UBE3D: variants seen among roughly 807,000 people sequenced by gnomAD.
UBE3D encodes the protein ubiquitin protein ligase E3D.
UBE3D carries 48 observed loss-of-function variants against 49.6 expected under a neutral mutation model. The ratio of observed to expected loss-of-function variants is 0.97; its 90% CI spans 0.77 to 1.23. The LOEUF is 1.23. UBE3D is among the 50% of genes most tolerant of loss of function. The pLI, the probability that UBE3D is intolerant of heterozygous loss-of-function variation, is 0.00. For missense variants in UBE3D, 452 were observed against 468.4 expected (o/e 0.96, Z 0.32); for synonymous variants, 189 against 174.2 (o/e 1.08, Z -0.67).
In UBE3D at chr6:83,063,361, C is replaced by G. The variant is rs143466243; in HGVS notation, c.77+2281G>C. Reference sequence around the variant, plus strand: ...CCCAGGAGGTTGAGGCTGCAGTGAGCCATGATCACACCACTGCACTGTAGC... The same window carrying G: ...CCCAGGAGGTTGAGGCTGCAGTGAGGCATGATCACACCACTGCACTGTAGC... On this transcript the variant is annotated intron_variant, in intron 1 of 9. Coordinates refer to ENST00000369747, the MANE Select transcript of UBE3D (RefSeq NM_198920.3). 566 of 156,174 alleles carry G rather than the reference C, an allele frequency of 3.6e-3. 2 individuals are homozygous for G. The highest frequency in any genetic ancestry group is 0.014 in the African/African-American group (542 of 39,290). The allele number at this position is 156,174 out of a possible 1,614,324, so 9.7% of individuals were successfully genotyped here. A position where few individuals can be genotyped will look rare whatever the true frequency, so the allele number is the denominator to read the frequency against.
chr6:83,049,041 C>A (rs982227646), intron 3 of UBE3D, among the ~76,000 whole-genome samples: 1 of 151,848 alleles, frequency 6.6e-6, no homozygotes, highest in African/African-American at 2.4e-5. Context: ...TTTAATGTAC[C>A]ATGAGCATAA....
chr6:82,899,295 T>C (rs1771559760), intron 9 of UBE3D, among the ~76,000 whole-genome samples: 1 of 152,168 alleles, frequency 6.6e-6, no homozygotes, highest in African/African-American at 2.4e-5. Flanking sequence ...GCAACAATTA[T>C]GTGTGTAAGG....
intron 8 of UBE3D, chr6:83,017,335 G>A (rs1780764228): frequency 6.6e-6 from 1 of 151,912 alleles, no homozygotes; most frequent in Non-Finnish European, 1.5e-5. Context: ...AAACAGAAAA[G>A]ATGAATATAA....
At chr6:83,004,481 G>A (rs887951682) in intron 8 of UBE3D, among the ~76,000 whole-genome samples, 10 of 152,234 alleles carry the variant, frequency 6.6e-5, no homozygotes, top group African/African-American at 2.2e-4. Context: ...ATTCATTTCT[G>A]AAGTTTAAGT....
chr6:82,922,131 A>ATT (rs34995241), intron 9 of UBE3D, among the ~76,000 whole-genome samples: 6 of 151,764 alleles, frequency 4.0e-5, no homozygotes, highest in Non-Finnish European at 7.4e-5. Context: ...ATTCTGAACA[A>ATT]TTTTTTTGGA....
intron 9 of UBE3D, among the ~76,000 whole-genome samples, chr6:82,942,677 TTGGCCC>T (rs1180397108): frequency 6.6e-6 from 1 of 152,250 alleles, no homozygotes; most frequent in Non-Finnish European, 1.5e-5. Flanking sequence ...ACATGTGGTA[TTGGCCC>T]TGTGAGTGCA....
At chr6:82,925,847 A>G (rs2127739804) in intron 9 of UBE3D, among the ~76,000 whole-genome samples, 1 of 152,254 alleles carries the variant, frequency 6.6e-6, no homozygotes, top group African/African-American at 2.4e-5. Flanking sequence ...AATAAATAAT[A>G]TTCCATTCCT....
At chr6:82,943,628 C>T (rs1775182255) in intron 9 of UBE3D, among the ~76,000 whole-genome samples, 1 of 151,936 alleles carries the variant, frequency 6.6e-6, no homozygotes, top group South Asian at 2.1e-4. Context: ...AGAGCGAGAC[C>T]CTGTCTCAAA....
chr6:83,055,252 A>T (rs1380158313), intron 2 of UBE3D, among the ~76,000 whole-genome samples: 1 of 152,224 alleles, frequency 6.6e-6, no homozygotes, highest in Non-Finnish European at 1.5e-5. Context: ...TAAAAGAATG[A>T]ACTAAAATAT....
chr6:82,963,946 C>T (rs1168426520), intron 8 of UBE3D, among the ~76,000 whole-genome samples: 1 of 152,126 alleles, frequency 6.6e-6, no homozygotes. Context: ...TAATCATCCA[C>T]TATAAGTCAA....
intron 8 of UBE3D, among the ~76,000 whole-genome samples, chr6:83,016,290 T>A (rs1467561659): frequency 6.6e-6 from 1 of 152,196 alleles, no homozygotes; most frequent in East Asian, 1.9e-4. Flanking sequence ...TGTTCCTTAA[T>A]ACAGCCAAAG....
At chr6:83,032,275 C>T (rs759986737) in intron 5 of UBE3D, 1 of 455,338 alleles carries the variant, frequency 2.2e-6, no homozygotes, top group South Asian at 1.6e-5. Context: ...CTGTTCAAGG[C>T]CATGGGAGCC....
chr6:82,900,976 G>A (rs1771687850), intron 9 of UBE3D, among the ~76,000 whole-genome samples: 1 of 152,078 alleles, frequency 6.6e-6, no homozygotes, highest in African/African-American at 2.4e-5. Flanking sequence ...TATAATTCCT[G>A]TTTAAATACG....
chr6:82,957,358 C>T lies in UBE3D; in HGVS notation c.1103G>A (p.Ser368Asn), dbSNP rs902833122. Reference sequence around the variant, plus strand: ...AAGGGATGAAGGCAGATTGGCATTACTCTTTGACAATATCAACAGCAGCTC... The same window carrying T: ...AAGGGATGAAGGCAGATTGGCATTATTCTTTGACAATATCAACAGCAGCTC... ...CLELLLILSK[S>N]NANLPSSLRR... The change falls in exon 9 of 10, where the codon AGT becomes AAT. Residue 368 changes from serine to asparagine, a missense_variant. By Grantham distance (46) the Ser-to-Asn change is conservative. Coordinates refer to ENST00000369747, the MANE Select transcript of UBE3D (RefSeq NM_198920.3). 6 of 1,613,980 alleles carry T rather than the reference C, an allele frequency of 3.7e-6. No homozygotes were observed. Among genetic ancestry groups the T allele is most frequent in the Admixed American group, 1.7e-5 (1 of 59,980 alleles).
intron 5 of UBE3D, among the ~76,000 whole-genome samples, chr6:83,026,833 A>G (rs1229937876): frequency 2.0e-5 from 3 of 152,072 alleles, no homozygotes; most frequent in Non-Finnish European, 4.4e-5. Flanking sequence ...CTAGCACTAC[A>G]GGCATGCACC....
chr6:83,063,435 A>AAAAAAAAAAAAAT (rs1784304153), intron 1 of UBE3D, among the ~76,000 whole-genome samples: 1 of 150,722 alleles, frequency 6.6e-6, no homozygotes, highest in Admixed American at 6.6e-5. Flanking sequence ...AAAAAAAAAA[A>AAAAAAAAAAAAAT]AAGAAAAGAA....
rs1025113750 is a variant in UBE3D at position 82,892,922 on chromosome 6, C to G, written c.*100G>C. On this transcript the variant is annotated 3_prime_UTR_variant, in exon 10 of 10. Transcript: ENST00000369747. ...ATGCTCTTATCCCATAGCTCTGGTT[C>G]TTGTCTTTGTAATTGATGCCTCCTG... 1 of 1,372,614 alleles carries G rather than the reference C, an allele frequency of 7.3e-7. No homozygotes were observed. The highest frequency in any genetic ancestry group is 1.7e-5 in the Admixed American group (1 of 59,630). 85.0% of individuals were successfully genotyped at this position (1,372,614 alleles called of 1,614,324 possible).
chr6:83,018,794 C>A (rs1195913674), intron 8 of UBE3D, 179 bp downstream of exon 8: 4 of 687,982 alleles, frequency 5.8e-6, no homozygotes, highest in African/African-American at 3.7e-5. Context: ...TGCATATTAA[C>A]ATGAATCATC....
chr6:83,004,999 C>T (rs1297352564), intron 8 of UBE3D, among the ~76,000 whole-genome samples: 1 of 152,102 alleles, frequency 6.6e-6, no homozygotes. Context: ...GACTATCTCA[C>T]ACTTAAAAAC....
Sources: allele counts gnomAD v4.1 joint callset (sites outside exome capture counted in the v4.1 genomes callset), GRCh38; gene constraint gnomAD v4.1.1; transcripts MANE v1.5; gene names NCBI Gene and HGNC (gene_info 2026-07-23, HGNC 2026-07-21).